SLC38A11: variants seen among roughly 807,000 people sequenced by gnomAD.
SLC38A11 encodes the protein putative sodium-coupled neutral amino acid transporter 11.
In SLC38A11, 51 loss-of-function variants were observed where a neutral mutation model predicts 49.4. The ratio of observed to expected loss-of-function variants is 1.03; its 90% confidence interval spans 0.83 to 1.30. The LOEUF is 1.30. Among genes scored for constraint, SLC38A11 ranks in the 50% most tolerant of loss-of-function variants. The pLI, the probability that SLC38A11 is intolerant of heterozygous loss-of-function variation, is 0.00. For missense variants in SLC38A11, 574 were observed against 556.2 expected (o/e 1.03, Z -0.32); for synonymous variants, 203 against 192.9 (o/e 1.05, Z -0.43).
At position 164,955,176 on chromosome 2, in the gene SLC38A11, T is replaced by C. The variant is rs1427406217; in HGVS notation, c.39+33A>G. ...AAGGTGAATGAAATTTCCGGACAAC[T>C]GGCTTCAGAACCTGCCTAGTCGCTA... On this transcript the variant is annotated intron_variant, in intron 1 of 11. Transcript: ENST00000685975. 1.9e-6 allele frequency: 3 copies of C among 1,549,100 alleles called. No homozygotes were observed. The Admixed American group carries it at 5.9e-5, about 30-fold the overall frequency.
chr2:164,948,211 G>A (rs775522791), intron 3 of SLC38A11, among the ~76,000 whole-genome samples: 16 of 152,168 alleles, frequency 1.1e-4, no homozygotes, highest in Non-Finnish European at 2.2e-4. Flanking sequence ...CTGTCTTATA[G>A]AAGCTGAGTG....
At chr2:164,942,576 A>G (rs1438127712) in intron 5 of SLC38A11, among the ~76,000 whole-genome samples, 1 of 152,192 alleles carries the variant, frequency 6.6e-6, no homozygotes, top group Non-Finnish European at 1.5e-5. Context: ...TTATATGTAA[A>G]TGTATTTCTT....
rs990753333 is a variant in SLC38A11 at position 164,895,550 on chromosome 2, T to C, written c.*2887A>G. On this transcript the variant is annotated 3_prime_UTR_variant, in exon 12 of 12. Transcript: ENST00000685975. Reference sequence around the variant, plus strand: ...GTATCTTTAATTAAGTAGATGTGTATAGTATGACTTCAGCAGAGGACTAAT... The same window carrying C: ...GTATCTTTAATTAAGTAGATGTGTACAGTATGACTTCAGCAGAGGACTAAT... 1.5e-4 allele frequency: 23 copies of C among 152,332 alleles called. No homozygotes were observed. The highest frequency in any genetic ancestry group is 4.8e-4 in the African/African-American group (20 of 41,570). 9.4% of individuals were successfully genotyped at this position (152,332 alleles called of 1,614,324 possible). A position where few individuals can be genotyped will look rare whatever the true frequency, so the allele number is the denominator to read the frequency against.
At chr2:164,924,633 C>A (rs1256677081) in intron 7 of SLC38A11, among the ~76,000 whole-genome samples, 1 of 152,058 alleles carries the variant, frequency 6.6e-6, no homozygotes, top group Non-Finnish European at 1.5e-5. Flanking sequence ...CCAAAATAAA[C>A]TCTTCAAAAA....
intron 3 of SLC38A11, among the ~76,000 whole-genome samples, chr2:164,949,317 C>T (rs35186615): frequency 0.065 from 9,808 of 152,046 alleles, 360 homozygotes; most frequent in Admixed American, 0.099. Flanking sequence ...GGTGAAATCT[C>T]AGCTCACTGC....
intron 5 of SLC38A11, 141 bp downstream of exon 5, chr2:164,944,428 A>C: frequency 2.8e-6 from 1 of 360,552 alleles, no homozygotes; most frequent in Non-Finnish European, 5.0e-6. Flanking sequence ...ATCAGAATGG[A>C]TCATGGATAT....
At chr2:164,911,274 A>C (rs76515825) in intron 10 of SLC38A11, among the ~76,000 whole-genome samples, 2,540 of 152,220 alleles carry the variant, frequency 0.017, 23 homozygotes, top group Middle Eastern at 0.027. Flanking sequence ...ACATGTTTTA[A>C]ACCTTGATAC....
intron 8 of SLC38A11, 168 bp downstream of exon 8, chr2:164,915,735 G>C (rs1685734456): frequency 1.8e-6 from 1 of 559,550 alleles, no homozygotes; most frequent in Admixed American, 2.5e-5. Flanking sequence ...TGATGAGTGA[G>C]AAAAGTTTGA....
At position 164,897,506 on chromosome 2, in the gene SLC38A11, G is replaced by C. The variant is rs1684397342; in HGVS notation, c.*931C>G. 6.6e-6 allele frequency: 1 copy of C among 152,164 alleles called. No individual in the cohort carries two copies. The highest frequency in any genetic ancestry group is 1.5e-5 in the Non-Finnish European group (1 of 68,090). The allele number at this position is 152,164 out of a possible 1,614,324, so 9.4% of individuals were successfully genotyped here. A position where few individuals can be genotyped will look rare whatever the true frequency, so the allele number is the denominator to read the frequency against. ...CTTTCCCCTCTCTCCCATTAGTTATGATAAACTCCATCTCACTATCTGCTC... is the reference window on the plus strand; with the variant it reads ...CTTTCCCCTCTCTCCCATTAGTTATCATAAACTCCATCTCACTATCTGCTC... On this transcript the variant is annotated 3_prime_UTR_variant, in exon 12 of 12. Transcript: ENST00000685975.
intron 11 of SLC38A11, among the ~76,000 whole-genome samples, chr2:164,900,779 C>T (rs1291059268): frequency 6.6e-6 from 1 of 152,020 alleles, no homozygotes; most frequent in African/African-American, 2.4e-5. Flanking sequence ...TGCACCCCCT[C>T]CCCACTGCAG....
At chr2:164,899,509 T>C (rs1684519271) in intron 11 of SLC38A11, among the ~76,000 whole-genome samples, 1 of 152,134 alleles carries the variant, frequency 6.6e-6, no homozygotes, top group East Asian at 1.9e-4. Context: ...TAATTCGCAA[T>C]AGAAACTTAG....
Position 164,895,734 on chromosome 2 carries a change from G to A in SLC38A11, c.*2703C>T, listed in dbSNP as rs1393427784. On this transcript the variant is annotated 3_prime_UTR_variant, in exon 12 of 12. Coordinates refer to ENST00000685975, the MANE Select transcript of SLC38A11 (RefSeq NM_001351537.2). ...AGGCCAGACCATACTTAGCTTCCAA[G>A]ATCAGATGAGATCTGGTGCGTTCAG... is the stretch of plus-strand genomic sequence containing the variant. 6.6e-6 allele frequency: 1 copy of A among 152,166 alleles called. No individual in the cohort carries two copies. The highest frequency in any genetic ancestry group is 1.5e-5 in the Non-Finnish European group (1 of 68,030). The allele number at this position is 152,166 out of a possible 1,614,324, so 9.4% of individuals were successfully genotyped here.
intron 1 of SLC38A11, 64 bp from the exon 2 acceptor site, chr2:164,954,809 T>A (rs925130189): frequency 1.3e-6 from 1 of 751,616 alleles, no homozygotes; most frequent in Non-Finnish European, 2.1e-6. Context: ...GTAACAAATA[T>A]GTAATGCAGG....
At chr2:164,927,664 C>A (rs1232981954) in intron 7 of SLC38A11, among the ~76,000 whole-genome samples, 1 of 152,098 alleles carries the variant, frequency 6.6e-6, no homozygotes, top group Non-Finnish European at 1.5e-5. Context: ...TACCAACTTC[C>A]CGTCCCCCAT....
chr2:164,933,254 T>TA (rs748232772), intron 7 of SLC38A11, among the ~76,000 whole-genome samples: 2 of 151,768 alleles, frequency 1.3e-5, no homozygotes, highest in Non-Finnish European at 2.9e-5. Context: ...GGTTTTTTTT[T>TA]AACAGTGATA....
chr2:164,899,474 AAG>A (rs1243310944), intron 11 of SLC38A11, among the ~76,000 whole-genome samples: 4 of 152,156 alleles, frequency 2.6e-5, no homozygotes, highest in African/African-American at 9.6e-5. Context: ...ATGTCAAAGG[AAG>A]AGACTTTCCC....
intron 9 of SLC38A11, among the ~76,000 whole-genome samples, chr2:164,913,055 C>G (rs1453732676): frequency 6.6e-6 from 1 of 151,734 alleles, no homozygotes; most frequent in Non-Finnish European, 1.5e-5. Context: ...CAATACTACA[C>G]CATTTAAAAA....
chr2:164,938,928 TTC>T (rs1291455324), intron 6 of SLC38A11, among the ~76,000 whole-genome samples: 1 of 151,996 alleles, frequency 6.6e-6, no homozygotes, highest in Non-Finnish European at 1.5e-5. Context: ...ATTAGAAGAG[TTC>T]AGTATTTCTC....
At chr2:164,933,639 A>G (rs1358126371) in intron 7 of SLC38A11, among the ~76,000 whole-genome samples, 1 of 152,128 alleles carries the variant, frequency 6.6e-6, no homozygotes, top group Non-Finnish European at 1.5e-5. Context: ...CACCACTTTA[A>G]AAGACCTATG....
Sources: gnomAD v4.1 joint callset for allele counts (sites outside exome capture counted in the v4.1 genomes callset) on GRCh38, gnomAD v4.1.1 for gene constraint, MANE v1.5 for transcripts, NCBI Gene and HGNC (gene_info 2026-07-23, HGNC 2026-07-21) for gene names.